Variants in TEX10 observed in about 807,000 individuals in gnomAD.
The protein encoded by TEX10 is testis-expressed protein 10.
TEX10 carries 24 observed loss-of-function variants against 104.4 expected under a neutral mutation model. The ratio of observed to expected loss-of-function variants is 0.23; its 90% CI spans 0.17 to 0.32. The LOEUF (loss-of-function observed/expected upper bound fraction) is 0.32, where lower values mean the gene tolerates loss of function less well. Among genes scored for constraint, TEX10 ranks in the 10% least tolerant of loss-of-function variants. The pLI, the probability that TEX10 is intolerant of heterozygous loss-of-function variation, is 1.00. For synonymous variants in TEX10, 396 were observed against 393.4 expected (o/e 1.01, Z -0.08); for missense variants, 921 against 1,083.9 (o/e 0.85, Z 2.11).
intron 5 of TEX10, among the ~76,000 whole-genome samples, chr9:100,336,633 C>T (rs1018279272): frequency 6.6e-6 from 1 of 152,088 alleles, no homozygotes; most frequent in Non-Finnish European, 1.5e-5. Context: ...TTACGTATTA[C>T]AATGTAATAA....
At chr9:100,314,089 CTTT>C (rs58128151) in intron 11 of TEX10, among the ~76,000 whole-genome samples, 22 of 121,224 alleles carry the variant, frequency 1.8e-4, no homozygotes, top group Admixed American at 5.0e-4. Context: ...GGAGATTTTT[CTTT>C]TTTTTTTTTT....
intron 11 of TEX10, among the ~76,000 whole-genome samples, chr9:100,313,034 C>CCAA (rs909708971): frequency 2.6e-5 from 4 of 151,996 alleles, no homozygotes; most frequent in Non-Finnish European, 2.9e-5. Context: ...CATTGGTATA[C>CCAA]CAACAACAAC....
At chr9:100,346,561 AAAATC>A in intron 3 of TEX10, 128 bp downstream of exon 3, 2 of 1,079,280 alleles carry the variant, frequency 1.9e-6, no homozygotes, top group Non-Finnish European at 2.7e-6. Flanking sequence ...ATCAGTAAAT[AAAATC>A]AAATCATGAG....
chr9:100,317,651 A>T (rs1298210373), intron 11 of TEX10, among the ~76,000 whole-genome samples: 1 of 152,190 alleles, frequency 6.6e-6, no homozygotes, highest in Non-Finnish European at 1.5e-5. Context: ...CATTACACTA[A>T]AAAATTTCTA....
intron 11 of TEX10, among the ~76,000 whole-genome samples, chr9:100,319,865 A>T (rs1464103039): frequency 6.6e-6 from 1 of 152,174 alleles, no homozygotes; most frequent in African/African-American, 2.4e-5. Context: ...TTCAAAACTT[A>T]AAGAATTTGG....
At chr9:100,321,305 C>A (rs769131053) in intron 10 of TEX10, among the ~76,000 whole-genome samples, 10 of 152,158 alleles carry the variant, frequency 6.6e-5, no homozygotes, top group Non-Finnish European at 1.3e-4. Flanking sequence ...TTCAAGTCTT[C>A]AGAAAATTTC....
At chr9:100,352,612 C>T in intron 1 of TEX10, 160 bp downstream of exon 1, 1 of 1,481,604 alleles carries the variant, frequency 6.7e-7, no homozygotes. Flanking sequence ...GGCCGCACAC[C>T]CAGGCCCAGC....
intron 11 of TEX10, among the ~76,000 whole-genome samples, chr9:100,316,359 T>A (rs1320721288): frequency 2.0e-5 from 3 of 152,074 alleles, no homozygotes; most frequent in African/African-American, 7.2e-5. Flanking sequence ...AAACTAGGCA[T>A]AGAAGAAACA....
intron 9 of TEX10, 68 bp downstream of exon 9, chr9:100,326,234 T>C: frequency 1.3e-6 from 2 of 1,536,436 alleles, no homozygotes; most frequent in South Asian, 2.5e-5. Context: ...GCTTCCGTAA[T>C]TCACAAATTA....
intron 6 of TEX10, among the ~76,000 whole-genome samples, 159 bp from the exon 7 acceptor site, chr9:100,329,434 A>G (rs1458083987): frequency 6.6e-6 from 1 of 152,224 alleles, no homozygotes. Flanking sequence ...GCAATAGCCT[A>G]ATAAAAAAGT....
At chr9:100,347,477 T>A in intron 2 of TEX10, 71 bp from the exon 3 acceptor site, 2 of 1,224,420 alleles carry the variant, frequency 1.6e-6, no homozygotes, top group South Asian at 1.7e-5. Context: ...ACATGCTAAC[T>A]AACACTACAC....
intron 11 of TEX10, among the ~76,000 whole-genome samples, chr9:100,317,256 G>A (rs1834444460): frequency 6.6e-6 from 1 of 152,072 alleles, no homozygotes; most frequent in African/African-American, 2.4e-5. Flanking sequence ...TACCTACAAG[G>A]CTGTAGTAAA....
chr9:100,318,407 A>T (rs965172930), intron 11 of TEX10, among the ~76,000 whole-genome samples: 4 of 152,228 alleles, frequency 2.6e-5, no homozygotes, highest in Non-Finnish European at 5.9e-5. Context: ...GGAGCTAAAA[A>T]TAATGTCTAC....
At chr9:100,303,594 T>G in intron 14 of TEX10, 38 bp downstream of exon 14, 2 of 1,607,328 alleles carry the variant, frequency 1.2e-6, no homozygotes, top group Non-Finnish European at 1.7e-6. Context: ...TTCATTCTTA[T>G]GCTAATACTG....
intron 9 of TEX10, among the ~76,000 whole-genome samples, chr9:100,324,687 C>G (rs1834658384): frequency 6.6e-6 from 1 of 152,072 alleles, no homozygotes; most frequent in Admixed American, 6.6e-5. Flanking sequence ...CATAAGTGAA[C>G]AGATGTTGAT....
chr9:100,321,075 T>C (rs1240837327), intron 10 of TEX10, among the ~76,000 whole-genome samples: 1 of 152,340 alleles, frequency 6.6e-6, no homozygotes, highest in East Asian at 1.9e-4. Flanking sequence ...CATGTCATAG[T>C]ACTGACTCCC....
intron 13 of TEX10, chr9:100,307,754 G>T (rs1834178361): frequency 6.6e-6 from 1 of 152,042 alleles, no homozygotes; most frequent in South Asian, 2.1e-4. Context: ...CCTGGGGTTG[G>T]TTAAATGGAG....
intron 4 of TEX10, among the ~76,000 whole-genome samples, chr9:100,345,379 C>G (rs562320642): frequency 6.6e-6 from 1 of 152,244 alleles, no homozygotes; most frequent in Non-Finnish European, 1.5e-5. Flanking sequence ...AAAACAAAAA[C>G]AAGAAAACTA....
intron 1 of TEX10, among the ~76,000 whole-genome samples, chr9:100,351,681 T>C (rs554191330): frequency 6.6e-6 from 1 of 152,346 alleles, no homozygotes; most frequent in African/African-American, 2.4e-5. Flanking sequence ...ATATTATCTA[T>C]CGCTTTGTAT....
Sources: gnomAD v4.1 joint callset for allele counts (sites outside exome capture counted in the v4.1 genomes callset) on GRCh38, gnomAD v4.1.1 for gene constraint, MANE v1.5 for transcripts, NCBI Gene and HGNC (gene_info 2026-07-23, HGNC 2026-07-21) for gene names.